Variants in ATF7IP2 observed in about 807,000 individuals in gnomAD.
The protein encoded by ATF7IP2 is activating transcription factor 7-interacting protein 2.
In ATF7IP2, 42 loss-of-function variants were observed where a neutral mutation model predicts 64.2. That is an observed-to-expected ratio of 0.65 (90% CI 0.51 to 0.85). ATF7IP2 has a LOEUF of 0.85. Among genes scored for constraint, ATF7IP2 ranks in the 40% least tolerant of loss-of-function variants. The pLI is 0.00. For missense variants in ATF7IP2, 933 were observed against 784.2 expected (o/e 1.19, Z -2.27); for synonymous variants, 308 against 272.8 (o/e 1.13, Z -1.27).
chr16:10,451,830 G>A (rs533409890), intron 8 of ATF7IP2, among the ~76,000 whole-genome samples: 3 of 151,938 alleles, frequency 2.0e-5, no homozygotes, highest in East Asian at 3.9e-4. Flanking sequence ...AGGTCGAGAT[G>A]GACACAAGGT....
intron 8 of ATF7IP2, chr16:10,454,008 G>GTT (rs111552848): frequency 7.7e-5 from 11 of 143,136 alleles, no homozygotes; most frequent in Admixed American, 1.4e-4. Context: ...GAGCCATTCA[G>GTT]TTTTTTTTTT....
intron 1 of ATF7IP2, among the ~76,000 whole-genome samples, chr16:10,409,667 C>T (rs149923794): frequency 9.7e-4 from 147 of 152,248 alleles, no homozygotes; most frequent in African/African-American, 3.1e-3. Context: ...CCTCATGATC[C>T]GCCCGCCTGG....
chr16:10,438,249 T>G lies in ATF7IP2; in HGVS notation c.1095+14T>G. ...GATAAACTTTTGGTAAGTTTTGATT[T>G]CATTTGAGTCTTTTTTAGGGGAGTA... is the stretch of plus-strand genomic sequence containing the variant. On this transcript the variant is annotated intron_variant, in intron 7 of 13. Transcript: ENST00000562102. 6.3e-7 allele frequency: 1 copy of G among 1,593,686 alleles called. No homozygotes were observed. Among genetic ancestry groups the G allele is most frequent in the South Asian group, 1.1e-5 (1 of 87,278 alleles).
intron 1 of ATF7IP2, among the ~76,000 whole-genome samples, chr16:10,388,770 G>C (rs1350385947): frequency 6.6e-6 from 1 of 152,158 alleles, no homozygotes; most frequent in African/African-American, 2.4e-5. Flanking sequence ...CAGCACTTTG[G>C]GAGGCTGAGG....
chr16:10,440,531 G>A, intron 8 of ATF7IP2, 69 bp downstream of exon 8: 1 of 896,880 alleles, frequency 1.1e-6, no homozygotes, highest in South Asian at 1.6e-5. Flanking sequence ...TAGAAGAAAT[G>A]AATATATTTC....
chr16:10,426,015 G>A (rs2048079102), intron 3 of ATF7IP2, among the ~76,000 whole-genome samples: 1 of 152,188 alleles, frequency 6.6e-6, no homozygotes, highest in South Asian at 2.1e-4. Flanking sequence ...AGTTAACAGT[G>A]AGGATACAGC....
chr16:10,457,580 A>T (rs1199072457), intron 9 of ATF7IP2, 51 bp downstream of exon 9: 4 of 1,336,884 alleles, frequency 3.0e-6, no homozygotes, highest in Admixed American at 2.6e-5. Context: ...ATAATAATGA[A>T]TTTTTTCTTC....
chr16:10,459,473 G>GAAAAAAA (rs377627260), intron 9 of ATF7IP2, among the ~76,000 whole-genome samples: 8 of 83,950 alleles, frequency 9.5e-5, no homozygotes, highest in Admixed American at 2.5e-4. Context: ...ATCTCAAAAA[G>GAAAAAAA]AAAAAAAAAA....
In ATF7IP2 at chr16:10,483,222, G is replaced by T. The variant is rs148930854; in HGVS notation, c.*973G>T. ...TACACAAAAACATAATGTATCTTAT[G>T]AAAGCATTACCCAACCTGTTTGAGT... On this transcript the variant is annotated 3_prime_UTR_variant, in exon 14 of 14. Coordinates refer to ENST00000562102, the MANE Select transcript of ATF7IP2 (RefSeq NM_001393719.1). 2.0e-4 allele frequency: 31 copies of T among 152,276 alleles called. No individual in the cohort carries two copies. In the East Asian group the frequency reaches 3.5e-3, roughly 17 times the overall value. 9.4% of individuals were successfully genotyped at this position (152,276 alleles called of 1,614,324 possible). A position where few individuals can be genotyped will look rare whatever the true frequency, so the allele number is the denominator to read the frequency against.
At chr16:10,438,385 C>A in intron 7 of ATF7IP2, 150 bp downstream of exon 7, 1 of 651,080 alleles carries the variant, frequency 1.5e-6, no homozygotes, top group Non-Finnish European at 2.3e-6. Context: ...GCTGAGACTA[C>A]AGGTGCACAC....
In ATF7IP2 at chr16:10,438,103, C is replaced by T. The variant is rs755972391; in HGVS notation, c.963C>T (p.Val321=). Residue 321 remains valine (V), a splice_region_variant and synonymous_variant, in exon 7 of 14, where the codon GTC becomes GTT. Transcript: ENST00000562102. The part of the protein sequence containing the change: ...LERQTAFLEQ[V]RHLIQQEIYS... ...TGGTTTTTATTTTAAAATTCTAGGT[C>T]AGACATTTGATTCAGCAGGAGATCT... 3 of 1,536,540 alleles carry T rather than the reference C, an allele frequency of 2.0e-6. No individual in the cohort carries two copies. In the South Asian group the frequency reaches 3.9e-5, roughly 20 times the overall value.
chr16:10,451,859 C>T (rs934179209), intron 8 of ATF7IP2, among the ~76,000 whole-genome samples: 3 of 151,946 alleles, frequency 2.0e-5, no homozygotes, highest in Non-Finnish European at 4.4e-5. Context: ...CAAGACCACC[C>T]TAGCCAACAT....
At chr16:10,432,955 T>C (rs1445510685) in intron 5 of ATF7IP2, among the ~76,000 whole-genome samples, 1 of 152,136 alleles carries the variant, frequency 6.6e-6, no homozygotes, top group Non-Finnish European at 1.5e-5. Flanking sequence ...TTAAATGCCA[T>C]AATTTGTTAA....
chr16:10,476,502 T>G (rs1046711637), intron 12 of ATF7IP2, among the ~76,000 whole-genome samples: 93 of 149,398 alleles, frequency 6.2e-4, no homozygotes, highest in East Asian at 2.0e-3. Flanking sequence ...GTGTGTGTTT[T>G]TTTTTAAACT....
At chr16:10,390,412 A>G (rs747514222) in intron 1 of ATF7IP2, among the ~76,000 whole-genome samples, 1 of 152,254 alleles carries the variant, frequency 6.6e-6, no homozygotes, top group Non-Finnish European at 1.5e-5. Context: ...ATTATAAGGT[A>G]GAGTTTTTCA....
intron 1 of ATF7IP2, among the ~76,000 whole-genome samples, chr16:10,406,826 C>T (rs369123780): frequency 1.3e-5 from 2 of 152,178 alleles, no homozygotes; most frequent in African/African-American, 4.8e-5. Context: ...CTGAATTCTA[C>T]TGAACATTTA....
At chr16:10,429,600 C>T (rs912342597) in intron 4 of ATF7IP2, among the ~76,000 whole-genome samples, 1 of 152,118 alleles carries the variant, frequency 6.6e-6, no homozygotes, top group Admixed American at 6.5e-5. Context: ...CCACCTGCCT[C>T]GGCCTCCCAA....
At chr16:10,468,539 A>G (rs2049667709) in intron 9 of ATF7IP2, among the ~76,000 whole-genome samples, 1 of 152,242 alleles carries the variant, frequency 6.6e-6, no homozygotes, top group Non-Finnish European at 1.5e-5. Context: ...TTCCAGGTCA[A>G]GAGCAGGGAT....
chr16:10,411,351 G>GTTT (rs55895645), intron 1 of ATF7IP2, among the ~76,000 whole-genome samples: 19 of 141,062 alleles, frequency 1.3e-4, no homozygotes, highest in South Asian at 4.5e-4. Flanking sequence ...GGGCCTTTTT[G>GTTT]TTTTTTTTTT....
Sources: allele counts gnomAD v4.1 joint callset (sites outside exome capture counted in the v4.1 genomes callset), GRCh38; gene constraint gnomAD v4.1.1; transcripts MANE v1.5; gene names NCBI Gene and HGNC (gene_info 2026-07-23, HGNC 2026-07-21).